Variants in CEP76 observed in about 807,000 individuals in gnomAD.
CEP76 encodes centrosomal protein 76, also known as centrosomal protein of 76 kDa.
In CEP76, 55 loss-of-function variants were observed where a neutral mutation model predicts 83.3. The ratio of observed to expected loss-of-function variants is 0.66; its 90% CI spans 0.53 to 0.83. CEP76 has a LOEUF of 0.83. CEP76 is among the 40% of genes least tolerant of loss of function. CEP76 has a pLI of 0.00. For synonymous variants in CEP76, 270 were observed against 274.5 expected (o/e 0.98, Z 0.16); for missense variants, 694 against 799.5 (o/e 0.87, Z 1.59).
chr18:12,694,079 C>T (rs1443603424), intron 6 of CEP76, among the ~76,000 whole-genome samples: 1 of 152,152 alleles, frequency 6.6e-6, no homozygotes, highest in Non-Finnish European at 1.5e-5. Flanking sequence ...AAGTGATCCA[C>T]CCACCTTAGC....
At chr18:12,667,869 TA>T (rs1164195300), downstream of CEP76, among the ~76,000 whole-genome samples, 20 of 115,982 alleles carry the variant, frequency 1.7e-4, no homozygotes, top group Non-Finnish European at 3.8e-5. Flanking sequence ...TTTTTTTTTT[TA>T]AATAGAACAA....
chr18:12,673,545 T>TAC, intron 11 of CEP76, 42 bp from the exon 12 acceptor site: 1 of 1,432,542 alleles, frequency 7.0e-7, no homozygotes, highest in Admixed American at 2.4e-5. Context: ...GAAGTGACCA[T>TAC]ACACTTTAAT....
At chr18:12,698,860 CA>C in intron 4 of CEP76, 118 bp downstream of exon 4, 1 of 715,344 alleles carries the variant, frequency 1.4e-6, no homozygotes, top group East Asian at 2.7e-5. Context: ...CAGTGGGAAA[CA>C]AAATAGAGAT....
Position 12,699,913 on chromosome 18 carries a change from G to A in CEP76, c.220-8C>T, listed in dbSNP as rs28458340. 1.1e-4 allele frequency: 167 copies of A among 1,551,712 alleles called. No individual in the cohort carries two copies. The African/African-American group carries it at 1.8e-3, about 17-fold the overall frequency. ...TTCTTGCTCAACACTGTCCTAGAAAGGCAGGAAAAAAAAATCAAAACAAAT... is the reference window on the plus strand; with the variant it reads ...TTCTTGCTCAACACTGTCCTAGAAAAGCAGGAAAAAAAAATCAAAACAAAT... On this transcript the variant is annotated splice_region_variant and splice_polypyrimidine_tract_variant and intron_variant, in intron 2 of 11. Transcript: ENST00000262127.
chr18:12,690,673 T>G (rs994624883), intron 7 of CEP76, among the ~76,000 whole-genome samples: 2 of 152,114 alleles, frequency 1.3e-5, no homozygotes, highest in African/African-American at 4.8e-5. Context: ...GCCAGGATGG[T>G]CTCGATCTCC....
chr18:12,664,725 G>T (rs1357366514), intron 12 of CEP76, among the ~76,000 whole-genome samples: 3 of 149,532 alleles, frequency 2.0e-5, no homozygotes, highest in Non-Finnish European at 4.4e-5. Context: ...TTAAGACGGG[G>T]TCTTGCTCTG....
At chr18:12,684,370 C>T (rs1297166824) in intron 8 of CEP76, 1 of 152,092 alleles carries the variant, frequency 6.6e-6, no homozygotes, top group Non-Finnish European at 1.5e-5. Flanking sequence ...CCACCTTGGC[C>T]TACCCAAGTG....
At chr18:12,687,311 A>G (rs968170249) in intron 7 of CEP76, among the ~76,000 whole-genome samples, 1 of 152,136 alleles carries the variant, frequency 6.6e-6, no homozygotes, top group Non-Finnish European at 1.5e-5. Context: ...TTTTTCCAAT[A>G]TAGTCCCATA....
chr18:12,673,587 T>C, intron 11 of CEP76, 84 bp from the exon 12 acceptor site: 4 of 1,222,440 alleles, frequency 3.3e-6, no homozygotes, highest in Non-Finnish European at 4.5e-6. Flanking sequence ...GTATTTAAAA[T>C]AATTTTTTCA....
intron 6 of CEP76, among the ~76,000 whole-genome samples, chr18:12,692,506 G>A (rs942150476): frequency 6.6e-6 from 1 of 152,176 alleles, no homozygotes; most frequent in African/African-American, 2.4e-5. Context: ...GCTGTTCCCA[G>A]TGCTGGAAGC....
At chr18:12,676,279 CTTTTT>C (rs1157897766) in intron 10 of CEP76, among the ~76,000 whole-genome samples, 1 of 106,406 alleles carries the variant, frequency 9.4e-6, no homozygotes, top group African/African-American at 3.5e-5. Flanking sequence ...ACAGTAATTC[CTTTTT>C]TTTTTTTTTT....
At chr18:12,689,188 T>C (rs2039656601) in intron 7 of CEP76, among the ~76,000 whole-genome samples, 1 of 152,376 alleles carries the variant, frequency 6.6e-6, no homozygotes, top group South Asian at 2.1e-4. Context: ...TGGATATGTA[T>C]ATTAACGTTT....
intron 11 of CEP76, among the ~76,000 whole-genome samples, chr18:12,673,963 ATAGACTATT>A (rs2039026648): frequency 6.6e-6 from 1 of 152,220 alleles, no homozygotes; most frequent in Non-Finnish European, 1.5e-5. Flanking sequence ...TATTCAAATT[ATAGACTATT>A]TCCTTATAGT....
At chr18:12,667,754 CTT>C (rs1392266291), downstream of CEP76, among the ~76,000 whole-genome samples, 4 of 119,784 alleles carry the variant, frequency 3.3e-5, no homozygotes, top group African/African-American at 1.2e-4. Flanking sequence ...GAGCAAGACT[CTT>C]TCTCAAAAAA....
At chr18:12,683,997 G>A (rs1201422794) in intron 8 of CEP76, among the ~76,000 whole-genome samples, 1 of 149,626 alleles carries the variant, frequency 6.7e-6, no homozygotes, top group Admixed American at 6.7e-5. Flanking sequence ...ATATATATAT[G>A]ATATATATCA....
rs1423266855 is a variant in CEP76, at chr18:12,662,102, A to C, written c.*1795T>G. The C allele has an allele frequency of 1.6e-5, 7 of 434,620 alleles. No homozygotes were observed. In the East Asian group the frequency reaches 5.0e-4, roughly 31 times the overall value. 26.9% of individuals were successfully genotyped at this position (434,620 alleles called of 1,614,324 possible). ...TGCTGCTCTGAGTCTTTCAGGGAGC[A>C]CCATCACTGTGCAGCCCAAGCTTTT... On this transcript the variant is annotated 3_prime_UTR_variant and NMD_transcript_variant, in exon 13 of 13. Coordinates refer to the CEP76 transcript ENST00000590143.
At chr18:12,696,459 C>T (rs966365476) in intron 5 of CEP76, among the ~76,000 whole-genome samples, 4 of 152,042 alleles carry the variant, frequency 2.6e-5, no homozygotes, top group African/African-American at 9.7e-5. Flanking sequence ...GCCGAGATTG[C>T]AGCACTGCAC....
At position 12,673,293 on chromosome 18, in the gene CEP76, A is replaced by G; in HGVS notation, c.*72T>C. 1 of 1,517,430 alleles carries G rather than the reference A, an allele frequency of 6.6e-7. No homozygotes were observed. The highest frequency in any genetic ancestry group is 8.8e-7 in the Non-Finnish European group (1 of 1,140,446). The allele number at this position is 1,517,430 out of a possible 1,614,324, so 94.0% of individuals were successfully genotyped here. Reference sequence around the variant, plus strand: ...TGTGATTTTAAAATAACAAACCTCTAAATAGCTAAGTAATGTACAATGTGT... The same window carrying G: ...TGTGATTTTAAAATAACAAACCTCTGAATAGCTAAGTAATGTACAATGTGT... On this transcript the variant is annotated 3_prime_UTR_variant, in exon 12 of 12. Coordinates refer to ENST00000262127, the MANE Select transcript of CEP76 (RefSeq NM_024899.4).
At chr18:12,702,390 C>T in intron 1 of CEP76, 96 bp downstream of exon 1, 1 of 926,636 alleles carries the variant, frequency 1.1e-6, no homozygotes, top group Non-Finnish European at 1.7e-6. Flanking sequence ...GCTACAGTCC[C>T]GGCAAGCAGA....
Sources: allele counts gnomAD v4.1 joint callset (sites outside exome capture counted in the v4.1 genomes callset), GRCh38; gene constraint gnomAD v4.1.1; transcripts MANE v1.5; gene names NCBI Gene and HGNC (gene_info 2026-07-23, HGNC 2026-07-21).